Variants in AGBL5 observed in about 807,000 individuals in gnomAD.
The protein encoded by AGBL5 is AGBL carboxypeptidase 5, also known as cytosolic carboxypeptidase-like protein 5.
AGBL5 carries 51 observed loss-of-function variants against 88.0 expected under a neutral mutation model. That is an observed-to-expected ratio of 0.58 (90% confidence interval 0.46 to 0.73). The LOEUF is 0.73. Among genes scored for constraint, AGBL5 ranks in the 30% least tolerant of loss-of-function variants. The pLI is 0.00. For missense variants in AGBL5, 1,031 were observed against 1,162.2 expected (o/e 0.89, Z 1.64); for synonymous variants, 446 against 438.8 (o/e 1.02, Z -0.21).
chr2:27,051,875 G>C (rs1396644554), intron 1 of AGBL5, 82 bp downstream of exon 1: 1 of 90,942 alleles, frequency 1.1e-5, no homozygotes, highest in African/African-American at 4.3e-5. Context: ...TCAGCCCCTT[G>C]AGCCCGAGCC....
chr2:27,064,737 A>T (rs1179494802), intron 11 of AGBL5, among the ~76,000 whole-genome samples: 801 of 69,756 alleles, frequency 0.011, no homozygotes, highest in Middle Eastern at 0.031. Context: ...TTTTTTTTCC[A>T]TTTTGGTTTG....
intron 13 of AGBL5, chr2:27,069,040 C>T (rs960211182): frequency 1.4e-6 from 2 of 1,383,758 alleles, no homozygotes; most frequent in Admixed American, 4.3e-5. Context: ...TCCTCTCTTT[C>T]TGCCCAGACC....
chr2:27,067,487 C>T lies in AGBL5; in HGVS notation c.2090-7C>T, dbSNP rs1237869249. On this transcript the variant is annotated splice_region_variant and splice_polypyrimidine_tract_variant and intron_variant, in intron 11 of 14. Transcript: ENST00000360131. Reference sequence around the variant, plus strand: ...CCCTTTTATCTGCTTGTATCTCTTCCACTCAGAGCCCCGAAGCCAGGACAG... The same window carrying T: ...CCCTTTTATCTGCTTGTATCTCTTCTACTCAGAGCCCCGAAGCCAGGACAG... 1.2e-6 allele frequency: 2 copies of T among 1,613,364 alleles called. No individual in the cohort carries two copies. The highest frequency in any genetic ancestry group is 1.7e-5 in the Admixed American group (1 of 59,988).
In AGBL5 at chr2:27,055,669, T is replaced by A. The variant is rs557002163; in HGVS notation, c.909-13T>A. 8 of 1,605,558 alleles carry A rather than the reference T, an allele frequency of 5.0e-6. No homozygotes were observed. Among genetic ancestry groups the A allele is most frequent in the Non-Finnish European group, 6.8e-6 (8 of 1,174,042 alleles). ...GTCCTCTAGAACCTGCTTCAGTCCT[T>A]GTTTTCCTACAGCACAGACTCACGT... is the stretch of plus-strand genomic sequence containing the variant. On this transcript the variant is annotated splice_polypyrimidine_tract_variant and intron_variant, in intron 6 of 14. Coordinates refer to ENST00000360131, the MANE Select transcript of AGBL5 (RefSeq NM_021831.6).
intron 14 of AGBL5, 163 bp downstream of exon 14, chr2:27,069,869 T>A (rs1241361132): frequency 1.1e-5 from 11 of 985,316 alleles, no homozygotes; most frequent in Non-Finnish European, 1.3e-5. Flanking sequence ...TCCCCCACCA[T>A]GGCCAAGTCT....
chr2:27,055,267 C>G lies in AGBL5; in HGVS notation c.908+14C>G, dbSNP rs1668371678. On this transcript the variant is annotated intron_variant, in intron 6 of 14. Transcript: ENST00000360131. Reference sequence around the variant, plus strand: ...GGGACACTACCGGTAAGTGGCTTCCCCAGCCTGTCTGGACTGTTCCCATTT... The same window carrying G: ...GGGACACTACCGGTAAGTGGCTTCCGCAGCCTGTCTGGACTGTTCCCATTT... 1 of 1,613,202 alleles carries G rather than the reference C, an allele frequency of 6.2e-7. No homozygotes were observed. The highest frequency in any genetic ancestry group is 8.5e-7 in the Non-Finnish European group (1 of 1,179,438).
chr2:27,059,397 C>T lies in AGBL5; in HGVS notation c.2082C>T (p.Pro694=), dbSNP rs773959003. ...AGGTCACCCACCGGGTGCTGGGCCC[C>T]GTCAGAGGTAAGCCAGTCTGGGAGC... ...TQKVTHRVLG[P]VREPRSQDRR... The change falls in exon 11 of 15, where the codon CCC becomes CCT. Residue 694 remains proline, a synonymous_variant. Transcript: ENST00000360131. The T allele has an allele frequency of 1.1e-5, 17 of 1,614,072 alleles. No homozygotes were observed. Among genetic ancestry groups the T allele is most frequent in the East Asian group, 2.2e-5 (1 of 44,896 alleles).
chr2:27,070,112 C>CA lies in AGBL5; in HGVS notation c.2511dup (p.Arg838ThrfsTer14). ...TGCAGGCTGCCTCAGGCCAGGCCCC[C>CA]ACGGCCCCGCTCTGCCCCTGCCTTT... On this transcript the variant is annotated frameshift_variant, in exon 15 of 15. Coordinates refer to ENST00000360131, the MANE Select transcript of AGBL5 (RefSeq NM_021831.6). LOFTEE classifies it high-confidence loss of function. 2 of 1,613,708 alleles carry CA rather than the reference C, an allele frequency of 1.2e-6. No homozygotes were observed. Among genetic ancestry groups the CA allele is most frequent in the South Asian group, 2.2e-5 (2 of 91,062 alleles).
chr2:27,056,305 G>T, intron 7 of AGBL5, 167 bp downstream of exon 7: 1 of 675,800 alleles, frequency 1.5e-6, no homozygotes, highest in Non-Finnish European at 2.5e-6. Context: ...TGGCACAGGG[G>T]GATAATGTCT....
upstream of AGBL5, among the ~76,000 whole-genome samples, chr2:27,051,218 G>T (rs761600256): frequency 1.3e-5 from 2 of 152,212 alleles, no homozygotes; most frequent in East Asian, 1.9e-4. Flanking sequence ...GCAGGCGGGG[G>T]ATTAGCTCAA....
In AGBL5 at chr2:27,055,705, T is replaced by G; in HGVS notation, c.932T>G (p.Leu311Arg). 6 of 1,613,828 alleles carry G rather than the reference T, an allele frequency of 3.7e-6. No homozygotes were observed. The highest frequency in any genetic ancestry group is 5.1e-6 in the Non-Finnish European group (6 of 1,179,810). Residue 311 changes from leucine (L) to arginine (R), a missense_variant, in exon 7 of 15, where the codon CTG (leucine) becomes CGG (arginine). Physicochemically the swap from Leu to Arg is moderately radical, Grantham distance 102. This residue lies in a region of AGBL5 where 540 missense variants were observed against 678.2 expected (regional missense o/e 0.80). Coordinates refer to ENST00000360131, the MANE Select transcript of AGBL5 (RefSeq NM_021831.6). ...AGCACAGACTCACGTGGAGTGAATCTGAACCGTCAGTACCTGAAGCCTGAT... is the reference window on the plus strand; with the variant it reads ...AGCACAGACTCACGTGGAGTGAATCGGAACCGTCAGTACCTGAAGCCTGAT... Reference protein sequence around the residue: ...HYRTDSRGVNLNRQYLKPDAV... With the variant: ...HYRTDSRGVNRNRQYLKPDAV...
intron 1 of AGBL5, chr2:27,052,538 A>C: frequency 6.4e-6 from 1 of 155,090 alleles, no homozygotes; most frequent in Non-Finnish European, 1.4e-5. Flanking sequence ...GTGGCCATGT[A>C]TGGTGGTGAG....
intron 1 of AGBL5, 22 bp from the exon 2 acceptor site, chr2:27,052,891 C>G: frequency 1.4e-6 from 2 of 1,413,572 alleles, no homozygotes; most frequent in South Asian, 1.5e-5. Context: ...TCCTCCTTAA[C>G]CTAACCCTTG....
intron 12 of AGBL5, 68 bp downstream of exon 12, chr2:27,067,714 G>C (rs775785798): frequency 6.3e-7 from 1 of 1,585,168 alleles, no homozygotes; most frequent in African/African-American, 1.3e-5. Flanking sequence ...GGTTCTTTAA[G>C]CCTAGTTGGG....
chr2:27,056,157 T>C lies in AGBL5; in HGVS notation c.1365+19T>C. 2 of 1,602,368 alleles carry C rather than the reference T, an allele frequency of 1.2e-6. No individual in the cohort carries two copies. The highest frequency in any genetic ancestry group is 1.7e-6 in the Non-Finnish European group (2 of 1,172,648). On this transcript the variant is annotated intron_variant, in intron 7 of 14. Coordinates refer to ENST00000360131, the MANE Select transcript of AGBL5 (RefSeq NM_021831.6). ...CACCCAGGTGGGAATCCTAAGAATG[T>C]CATGTGAGTGTGAGAAGTGTTACAG...
chr2:27,070,587 G>T lies in AGBL5; in HGVS notation c.*324G>T, dbSNP rs960656689. ...CTTCTTGTTCCATAGGATTAAGGAA[G>T]ACTCTGAGGAAATAAAAGTTGTTTG... On this transcript the variant is annotated 3_prime_UTR_variant, in exon 15 of 15. Coordinates refer to ENST00000360131, the MANE Select transcript of AGBL5 (RefSeq NM_021831.6). 4.0e-6 allele frequency: 1 copy of T among 252,888 alleles called. No individual in the cohort carries two copies. Among genetic ancestry groups the T allele is most frequent in the Non-Finnish European group, 7.6e-6 (1 of 131,446 alleles). 15.7% of individuals were successfully genotyped at this position (252,888 alleles called of 1,614,324 possible). A position where few individuals can be genotyped will look rare whatever the true frequency, so the allele number is the denominator to read the frequency against.
upstream of AGBL5, among the ~76,000 whole-genome samples, chr2:27,051,220 T>C (rs1668107809): frequency 1.3e-5 from 2 of 152,142 alleles, no homozygotes; most frequent in East Asian, 1.9e-4. Flanking sequence ...AGGCGGGGGA[T>C]TAGCTCAAAT....
At chr2:27,068,527 C>A in intron 12 of AGBL5, 105 bp from the exon 13 acceptor site, 3 of 935,936 alleles carry the variant, frequency 3.2e-6, no homozygotes, top group Non-Finnish European at 4.9e-6. Context: ...AAAGAATTAT[C>A]CAACCCAAAT....
chr2:27,053,856 A>G lies in AGBL5; in HGVS notation c.388-40A>G, dbSNP rs1450323614. 2.5e-6 allele frequency: 4 copies of G among 1,584,932 alleles called. No homozygotes were observed. Among genetic ancestry groups the G allele is most frequent in the East Asian group, 2.2e-5 (1 of 44,510 alleles). ...TCCCAGTAGGAGCTCAGTTCTGACA[A>G]TGGCATGTTGCCCCTCCCTCTTCCT... On this transcript the variant is annotated intron_variant, in intron 3 of 14. Coordinates refer to ENST00000360131, the MANE Select transcript of AGBL5 (RefSeq NM_021831.6). The surrounding 1 kb of genome is among the most constrained non-coding windows in gnomAD (Gnocchi z 4.9).
Sources: allele counts gnomAD v4.1 joint callset (sites outside exome capture counted in the v4.1 genomes callset), GRCh38; gene constraint gnomAD v4.1.1; regional missense constraint gnomAD v4.1.1; non-coding constraint Gnocchi (gnomAD v3.1); transcripts MANE v1.5; gene names NCBI Gene and HGNC (gene_info 2026-07-23, HGNC 2026-07-21).